TTC39C: variants seen among roughly 807,000 people sequenced by gnomAD.
TTC39C encodes the protein tetratricopeptide repeat protein 39C.
TTC39C carries 33 observed loss-of-function variants against 76.3 expected under a neutral mutation model. The observed-to-expected ratio is 0.43, with a 90% CI of 0.33 to 0.58. The LOEUF (loss-of-function observed/expected upper bound fraction) is 0.58, where lower values mean the gene tolerates loss of function less well. Among genes scored for constraint, TTC39C ranks in the 20% least tolerant of loss-of-function variants. The pLI, the probability that TTC39C is intolerant of heterozygous loss-of-function variation, is 0.04. For missense variants in TTC39C, 595 were observed against 701.4 expected (o/e 0.85, Z 1.71); for synonymous variants, 254 against 260.6 (o/e 0.97, Z 0.24).
At chr18:24,066,190 A>G in intron 3 of TTC39C, 50 bp downstream of exon 3, 1 of 1,545,112 alleles carries the variant, frequency 6.5e-7, no homozygotes. Context: ...TATTTAGAAT[A>G]TCACTTTTGT....
At chr18:24,041,055 G>C (rs949121956) in intron 1 of TTC39C, among the ~76,000 whole-genome samples, 4 of 152,074 alleles carry the variant, frequency 2.6e-5, no homozygotes, top group African/African-American at 9.7e-5. Context: ...AAAAAGTAGG[G>C]GATCTGAGGG....
intron 12 of TTC39C, among the ~76,000 whole-genome samples, chr18:24,130,914 T>C (rs2085119129): frequency 6.7e-6 from 1 of 149,090 alleles, no homozygotes; most frequent in Non-Finnish European, 1.5e-5. Flanking sequence ...CCAGGCTCAG[T>C]GGCTCATGCC....
At chr18:24,113,998 C>G in intron 6 of TTC39C, 1 of 361,304 alleles carries the variant, frequency 2.8e-6, no homozygotes, top group East Asian at 7.0e-5. Context: ...AAACTATCAA[C>G]TGTATGGTGA....
At chr18:23,996,211 C>T (rs1054013728) in intron 1 of TTC39C, among the ~76,000 whole-genome samples, 1 of 152,340 alleles carries the variant, frequency 6.6e-6, no homozygotes, top group African/African-American at 2.4e-5. Context: ...ATATCCTCTT[C>T]AGTAAAATGT....
chr18:24,099,005 ATGTGTGTGTGTGTG>A (rs71373362), intron 6 of TTC39C, among the ~76,000 whole-genome samples: 156 of 130,758 alleles, frequency 1.2e-3, no homozygotes, highest in African/African-American at 4.3e-3. Context: ...AGTTAGAGGA[ATGTGTGTGTGTGTG>A]TGTGTGTGTG....
intron 4 of TTC39C, among the ~76,000 whole-genome samples, chr18:24,073,838 C>A (rs933767654): frequency 1.3e-5 from 2 of 152,170 alleles, no homozygotes; most frequent in Non-Finnish European, 2.9e-5. Flanking sequence ...CTTTGTTGTG[C>A]TATTACTTAT....
chr18:24,109,780 G>A (rs762403841), intron 6 of TTC39C, among the ~76,000 whole-genome samples: 6 of 152,020 alleles, frequency 3.9e-5, no homozygotes, highest in African/African-American at 7.2e-5. Context: ...TGAGGGAGGC[G>A]GATCACTTGA....
intron 1 of TTC39C, among the ~76,000 whole-genome samples, chr18:24,026,000 G>A (rs1568409889): frequency 6.6e-6 from 1 of 152,158 alleles, no homozygotes; most frequent in Non-Finnish European, 1.5e-5. Context: ...TGGGCTCCCT[G>A]GGTCCCACTG....
chr18:24,053,120 A>T (rs2083973076), intron 1 of TTC39C, among the ~76,000 whole-genome samples: 1 of 152,248 alleles, frequency 6.6e-6, no homozygotes, highest in Non-Finnish European at 1.5e-5. Context: ...TTTCAGAATA[A>T]ATCAGACATT....
chr18:24,007,516 T>G (rs9964907), intron 1 of TTC39C, among the ~76,000 whole-genome samples: 62,518 of 151,938 alleles, frequency 0.41, 15,622 homozygotes, highest in East Asian at 0.72. Flanking sequence ...CCTGATAAAC[T>G]GGGATTACAG....
chr18:24,020,154 G>A (rs774710265), intron 1 of TTC39C: 33 of 1,211,090 alleles, frequency 2.7e-5, no homozygotes, highest in Admixed American at 4.5e-5. Flanking sequence ...GGGAACTGGC[G>A]GGAAAGACAG....
At chr18:24,073,331 C>G (rs375299106) in intron 4 of TTC39C, among the ~76,000 whole-genome samples, 37 of 152,208 alleles carry the variant, frequency 2.4e-4, no homozygotes, top group African/African-American at 8.4e-4. Context: ...CTTTCCCAGC[C>G]ACCTGCCCTT....
chr18:24,059,091 AAAG>A (rs1200560201), intron 1 of TTC39C, among the ~76,000 whole-genome samples: 1 of 152,198 alleles, frequency 6.6e-6, no homozygotes, highest in African/African-American at 2.4e-5. Context: ...TTATGACTGA[AAAG>A]AAATTCTTAA....
chr18:23,998,216 G>C (rs143500163), intron 1 of TTC39C, among the ~76,000 whole-genome samples: 18 of 152,326 alleles, frequency 1.2e-4, no homozygotes, highest in African/African-American at 4.3e-4. Context: ...CATAGGACTA[G>C]CAGATGTCAG....
At chr18:24,065,195 G>A (rs1167408156) in intron 2 of TTC39C, among the ~76,000 whole-genome samples, 1 of 152,196 alleles carries the variant, frequency 6.6e-6, no homozygotes, top group Non-Finnish European at 1.5e-5. Flanking sequence ...CCGAGGTTTG[G>A]CTAGAATGGA....
intron 6 of TTC39C, among the ~76,000 whole-genome samples, chr18:24,094,565 C>T (rs1466364864): frequency 6.6e-6 from 1 of 152,210 alleles, no homozygotes; most frequent in Non-Finnish European, 1.5e-5. Flanking sequence ...CAAAACTACT[C>T]CTTGTTCCAT....
chr18:24,104,860 C>G (rs1475784332), intron 6 of TTC39C, among the ~76,000 whole-genome samples: 1 of 151,944 alleles, frequency 6.6e-6, no homozygotes, highest in Non-Finnish European at 1.5e-5. Flanking sequence ...GGAAACAGTT[C>G]CCTAATTATG....
intron 13 of TTC39C, 105 bp downstream of exon 13, chr18:24,132,025 A>C (rs2085136581): frequency 8.9e-7 from 1 of 1,123,454 alleles, no homozygotes; most frequent in South Asian, 1.6e-5. Flanking sequence ...TCTGGTTGGT[A>C]ATATTTCTGG....
intron 6 of TTC39C, among the ~76,000 whole-genome samples, chr18:24,105,388 A>G (rs2084734071): frequency 6.6e-6 from 1 of 152,236 alleles, no homozygotes; most frequent in Non-Finnish European, 1.5e-5. Flanking sequence ...TAAAATCTTT[A>G]TGGCTGATCA....
Sources: gnomAD v4.1 joint callset for allele counts (sites outside exome capture counted in the v4.1 genomes callset) on GRCh38, gnomAD v4.1.1 for gene constraint, MANE v1.5 for transcripts, NCBI Gene and HGNC (gene_info 2026-07-23, HGNC 2026-07-21) for gene names.